The following SHROOM2 variants were observed in gnomAD, a reference collection of about 807,000 sequenced individuals.
SHROOM2 encodes protein Shroom2.
SHROOM2 carries 33 observed loss-of-function variants against 75.9 expected under a neutral mutation model. That is an observed-to-expected ratio of 0.43 (90% confidence interval 0.33 to 0.58). The LOEUF (loss-of-function observed/expected upper bound fraction) is 0.58, where lower values mean the gene tolerates loss of function less well. SHROOM2 is among the 20% of genes least tolerant of loss of function. The probability of loss-of-function intolerance (pLI) is 0.04; values close to 1 mark genes in which losing one functional copy is unlikely to be tolerated. For synonymous variants in SHROOM2, 655 were observed against 663.6 expected (o/e 0.99, Z 0.20); for missense variants, 1,434 against 1,461.2 (o/e 0.98, Z 0.30).
intron 5 of SHROOM2, among the ~76,000 whole-genome samples, chrX:9,915,317 C>T (rs1054256982): frequency 9.1e-6 from 1 of 110,299 alleles, no homozygotes; most frequent in Non-Finnish European, 1.9e-5. Context: ...GCTCATTTGC[C>T]GTCATTATTT....
At chrX:9,844,854 G>A (rs1355687712) in intron 1 of SHROOM2, among the ~76,000 whole-genome samples, 2 of 111,214 alleles carry the variant, frequency 1.8e-5, no homozygotes, top group Non-Finnish European at 3.8e-5. Flanking sequence ...TTTAAAAAAT[G>A]GTAGATTTCA....
At chrX:9,835,519 G>A (rs777553244) in intron 1 of SHROOM2, among the ~76,000 whole-genome samples, 203 of 112,413 alleles carry the variant, frequency 1.8e-3, no homozygotes, top group Non-Finnish European at 2.9e-3. Context: ...GCTACAAAAA[G>A]TAAAATGAAG....
intron 1 of SHROOM2, among the ~76,000 whole-genome samples, chrX:9,794,376 T>C (rs1229727266): frequency 9.0e-6 from 1 of 111,689 alleles, no homozygotes; most frequent in Non-Finnish European, 1.9e-5. Flanking sequence ...TTCTCTTCTT[T>C]TCTTTTTTCT....
At chrX:9,885,979 G>C (rs959844806) in intron 2 of SHROOM2, among the ~76,000 whole-genome samples, 1 of 108,265 alleles carries the variant, frequency 9.2e-6, no homozygotes, top group Non-Finnish European at 1.9e-5. Flanking sequence ...GCCACAATTC[G>C]TATAAGAACT....
chrX:9,856,691 G>C (rs997778253), intron 1 of SHROOM2, among the ~76,000 whole-genome samples: 1 of 111,912 alleles, frequency 8.9e-6, no homozygotes, highest in Non-Finnish European at 1.9e-5. Flanking sequence ...CTGGGCAAGA[G>C]GCTGTGCTGT....
intron 2 of SHROOM2, among the ~76,000 whole-genome samples, chrX:9,885,935 A>G: frequency 1.0e-5 from 1 of 95,827 alleles, no homozygotes; most frequent in South Asian, 5.7e-4. Context: ...CCTGGGTGGC[A>G]GAGGGAGAGC....
intron 6 of SHROOM2, 44 bp from the exon 7 acceptor site, chrX:9,937,090 G>C (rs1340491128): frequency 1.8e-6 from 2 of 1,126,306 alleles, no homozygotes; most frequent in Admixed American, 5.3e-5. Context: ...AGGGTCTGTG[G>C]CTGGAGCATG....
At position 9,806,423 on chromosome X, in the gene SHROOM2, TAAAC is replaced by T. The variant is rs1264040058; in HGVS notation, c.165+19715_165+19718del. Among the ~76,000 whole-genome samples, 5 of 109,373 alleles carry T rather than the reference TAAAC, an allele frequency of 4.6e-5. No homozygotes were observed. In the East Asian group the frequency reaches 1.4e-3, roughly 31 times the overall value. The allele number at this position is 109,373 out of a possible 115,157, so 95.0% of individuals were successfully genotyped here. On this transcript the variant is annotated intron_variant, in intron 1 of 9. Transcript: ENST00000380913. The stretch of plus-strand genomic sequence containing the variant: ...TATAAAATAATCAAATACATCAAGT[TAAAC>T]AGATTAATTGAAATACATTAATGAT...
intron 1 of SHROOM2, among the ~76,000 whole-genome samples, chrX:9,807,188 C>A (rs1458376510): frequency 8.9e-6 from 1 of 112,120 alleles, no homozygotes. Flanking sequence ...GATCCCCCAG[C>A]AGGGTCACAG....
At position 9,822,012 on chromosome X, in the gene SHROOM2, C is replaced by A. The variant is rs374595156; in HGVS notation, c.165+35302C>A. Among the ~76,000 whole-genome samples the A allele has an allele frequency of 1.2e-4, 13 of 112,639 alleles. No individual in the cohort carries two copies. The South Asian group carries it at 1.5e-3, about 13-fold the overall frequency. ...CAGCCTTATTCTTGAATTGTAGAGA[C>A]CTCACTGAGAGGAGGCTGACCCTGA... On this transcript the variant is annotated intron_variant, in intron 1 of 9. Transcript: ENST00000380913.
At chrX:9,835,433 G>A (rs1208925104) in intron 1 of SHROOM2, among the ~76,000 whole-genome samples, 1 of 112,449 alleles carries the variant, frequency 8.9e-6, no homozygotes, top group Non-Finnish European at 1.9e-5. Context: ...TTAGAATGCA[G>A]GGCAATGGGG....
Position 9,895,707 on chromosome X carries a change from G to A in SHROOM2, c.1799G>A (p.Ser600Asn). The A allele has an allele frequency of 2.5e-6, 3 of 1,191,643 alleles. No homozygotes were observed. The highest frequency in any genetic ancestry group is 3.4e-6 in the Non-Finnish European group (3 of 887,412). The change falls in exon 4 of 10, where the codon AGC becomes AAC. Residue 600 changes from serine (S) to asparagine (N), a missense_variant. Transcript: ENST00000380913. ...LTQEGKRRPE[S>N]SPEDSATRPP... ...CAGGAGGGGAAGCGCCGGCCTGAGA[G>A]CAGTCCAGAGGACAGCGCCACCAGA...
At chrX:9,792,063 A>C (rs1426095665) in intron 1 of SHROOM2, among the ~76,000 whole-genome samples, 1 of 16,632 alleles carries the variant, frequency 6.0e-5, no homozygotes, top group Non-Finnish European at 1.2e-4. Context: ...ATAGAATAGA[A>C]TAGAATAGAA....
chrX:9,828,712 G>A (rs1452288215), intron 1 of SHROOM2, among the ~76,000 whole-genome samples: 1 of 110,554 alleles, frequency 9.0e-6, no homozygotes, highest in East Asian at 2.9e-4. Flanking sequence ...TGATCCTCCA[G>A]CCTTGCCTCC....
chrX:9,853,866 T>C (rs1288880879), intron 1 of SHROOM2, among the ~76,000 whole-genome samples: 2 of 112,246 alleles, frequency 1.8e-5, no homozygotes, highest in Non-Finnish European at 3.8e-5. Context: ...TAGACATTGA[T>C]GAATTTTCAC....
At chrX:9,836,756 T>C (rs181774815) in intron 1 of SHROOM2, among the ~76,000 whole-genome samples, 110 of 111,462 alleles carry the variant, frequency 9.9e-4, no homozygotes, top group African/African-American at 3.2e-3. Context: ...TCACCCATTT[T>C]AAGTATACAA....
intron 1 of SHROOM2, among the ~76,000 whole-genome samples, chrX:9,805,909 AAAAAAAAAAAC>A (rs2083748968): frequency 9.4e-6 from 1 of 106,550 alleles, no homozygotes; most frequent in African/African-American, 3.6e-5. Context: ...GTCTCAAAAA[AAAAAAAAAAAC>A]AAAAACAAGA....
intron 1 of SHROOM2, among the ~76,000 whole-genome samples, chrX:9,825,219 G>C (rs2083881586): frequency 8.9e-6 from 1 of 112,211 alleles, no homozygotes; most frequent in Non-Finnish European, 1.9e-5. Flanking sequence ...AAAAATAATA[G>C]ACTGTTCTTG....
chrX:9,827,163 C>T (rs1431155282), intron 1 of SHROOM2, among the ~76,000 whole-genome samples: 1 of 109,233 alleles, frequency 9.2e-6, no homozygotes, highest in Non-Finnish European at 1.9e-5. Flanking sequence ...CCAGGAGAGT[C>T]CAGTGTAGCC....
Sources: allele counts gnomAD v4.1 joint callset (sites outside exome capture counted in the v4.1 genomes callset), GRCh38; gene constraint gnomAD v4.1.1; transcripts MANE v1.5; gene names NCBI Gene and HGNC (gene_info 2026-07-23, HGNC 2026-07-21).